The following SGCD variants were observed in gnomAD, a reference collection of about 807,000 sequenced individuals.
SGCD encodes the protein sarcoglycan delta.
In SGCD, 18 loss-of-function variants were observed where a neutral mutation model predicts 36.6. The ratio of observed to expected loss-of-function variants is 0.49; its 90% confidence interval spans 0.34 to 0.73. The LOEUF (loss-of-function observed/expected upper bound fraction) is 0.73. Ranked by LOEUF, SGCD falls within the 30% of genes least tolerant of loss-of-function variation. SGCD has a pLI of 0.01. For missense variants in SGCD, 387 were observed against 346.7 expected, an observed-to-expected ratio of 1.12 and a Z score of -0.92; for synonymous variants, 133 against 130.6, an observed-to-expected ratio of 1.02 and a Z score of -0.12.
At chr5:155,804,478 A>T in the SGCD span, among the ~76,000 whole-genome samples, 1 of 152,116 alleles carries the variant, frequency 6.6e-6, no homozygotes, top group East Asian at 1.9e-4. Context: ...TCACCTTTAT[A>T]TCTGTGTTAT....
intron 3 of SGCD, among the ~76,000 whole-genome samples, chr5:156,412,317 C>G (rs992267104): frequency 6.6e-6 from 1 of 152,138 alleles, no homozygotes; most frequent in Admixed American, 6.5e-5. Context: ...AAAATTAGAC[C>G]AGGTATATAA....
chr5:156,145,524 TC>T (rs1465584158), intron 3 of SGCD, among the ~76,000 whole-genome samples: 6 of 152,220 alleles, frequency 3.9e-5, no homozygotes, highest in Admixed American at 3.3e-4. Context: ...CCCCTCTATA[TC>T]CTTTTTGAAT....
chr5:156,618,797 A>G (rs1052808000), intron 6 of SGCD, among the ~76,000 whole-genome samples: 10 of 152,072 alleles, frequency 6.6e-5, no homozygotes, highest in African/African-American at 2.4e-4. Context: ...CAAGAGGGAA[A>G]TGTGATTTAA....
chr5:156,514,314 A>T (rs1757066246), intron 4 of SGCD, among the ~76,000 whole-genome samples: 1 of 152,194 alleles, frequency 6.6e-6, no homozygotes. Context: ...GGAAAATAGC[A>T]TTTATTAAGC....
At chr5:156,008,420 G>C (rs535758884) in intron 1 of SGCD, among the ~76,000 whole-genome samples, 1 of 151,980 alleles carries the variant, frequency 6.6e-6, no homozygotes, top group African/African-American at 2.4e-5. Flanking sequence ...CTGCTCTTCA[G>C]GCTGGAGTGC....
intron 7 of SGCD, among the ~76,000 whole-genome samples, chr5:156,670,683 GTTC>G (rs1036015972): frequency 2.0e-4 from 31 of 152,262 alleles, no homozygotes; most frequent in African/African-American, 6.7e-4. Flanking sequence ...AGCCAAAGGG[GTTC>G]TTATTTTTTC....
At chr5:156,707,446 C>T (rs1303204006) in intron 7 of SGCD, among the ~76,000 whole-genome samples, 3 of 152,088 alleles carry the variant, frequency 2.0e-5, no homozygotes, top group African/African-American at 7.2e-5. Flanking sequence ...TACTACCAGA[C>T]CCAGTCTTTT....
At chr5:155,799,002 T>C in the SGCD span, among the ~76,000 whole-genome samples, 1 of 152,214 alleles carries the variant, frequency 6.6e-6, no homozygotes, top group Admixed American at 6.5e-5. Flanking sequence ...GATTGTCCCT[T>C]TTCCTGTTAT....
chr5:155,874,060 A>G (rs1470004409), intron 1 of SGCD, among the ~76,000 whole-genome samples: 2 of 152,156 alleles, frequency 1.3e-5, no homozygotes, highest in Non-Finnish European at 2.9e-5. Flanking sequence ...AGAATTCAGC[A>G]GCAATTTTTA....
At chr5:156,344,299 A>G (rs1183484440) in intron 2 of SGCD, among the ~76,000 whole-genome samples, 190 bp from the exon 3 acceptor site, 3 of 152,184 alleles carry the variant, frequency 2.0e-5, no homozygotes, top group Non-Finnish European at 4.4e-5. Context: ...GTTAAATGAG[A>G]AGCCTCAAGC....
intron 3 of SGCD, among the ~76,000 whole-genome samples, chr5:156,216,194 G>T (rs1039867510): frequency 5.9e-5 from 9 of 151,994 alleles, no homozygotes; most frequent in African/African-American, 2.2e-4. Flanking sequence ...AGGAAATGTT[G>T]GTAAACTGAT....
intron 4 of SGCD, among the ~76,000 whole-genome samples, chr5:156,581,152 C>T (rs1185369580): frequency 2.6e-5 from 4 of 152,140 alleles, no homozygotes; most frequent in South Asian, 2.1e-4. Flanking sequence ...CCTTCTGTCA[C>T]GTCCCTCAGC....
the SGCD span, among the ~76,000 whole-genome samples, chr5:155,853,319 T>C: frequency 1.3e-5 from 2 of 152,056 alleles, no homozygotes; most frequent in Non-Finnish European, 2.9e-5. Context: ...AACTGTGCTA[T>C]AAGAAAGCAA....
chr5:155,954,710 A>T (rs1260916723), intron 1 of SGCD, among the ~76,000 whole-genome samples: 1 of 152,090 alleles, frequency 6.6e-6, no homozygotes, highest in Non-Finnish European at 1.5e-5. Context: ...TTCCAGAGAA[A>T]GAGAACTAAC....
the SGCD span, among the ~76,000 whole-genome samples, chr5:155,764,831 G>C: frequency 4.6e-5 from 7 of 152,238 alleles, no homozygotes; most frequent in East Asian, 9.7e-4. Context: ...GATAAGATCT[G>C]GGGGGAGGCA....
chr5:156,463,474 A>AT (rs553931711), intron 3 of SGCD, among the ~76,000 whole-genome samples: 513 of 151,698 alleles, frequency 3.4e-3, no homozygotes, highest in African/African-American at 0.011. Flanking sequence ...TTGAGGCACA[A>AT]TTTTTTTTTA....
At chr5:155,908,294 G>A (rs11954882) in intron 1 of SGCD, among the ~76,000 whole-genome samples, 3 of 151,988 alleles carry the variant, frequency 2.0e-5, no homozygotes, top group Admixed American at 2.0e-4. Flanking sequence ...CTTAGTGTAT[G>A]CTTGTATTTT....
chr5:156,472,132 T>C (rs1754999118), intron 3 of SGCD, among the ~76,000 whole-genome samples: 1 of 152,164 alleles, frequency 6.6e-6, no homozygotes, highest in Admixed American at 6.6e-5. Flanking sequence ...ATGAAGTAAC[T>C]GAAACTCTCA....
chr5:156,643,349 ACC>A (rs920270247), intron 6 of SGCD, among the ~76,000 whole-genome samples: 1 of 151,852 alleles, frequency 6.6e-6, no homozygotes, highest in African/African-American at 2.4e-5. Context: ...AGTTGTTTAA[ACC>A]AATTAGTGTA....
Sources: allele counts gnomAD v4.1 joint callset (sites outside exome capture counted in the v4.1 genomes callset), GRCh38; gene constraint gnomAD v4.1.1; transcripts MANE v1.5; gene names NCBI Gene and HGNC (gene_info 2026-07-23, HGNC 2026-07-21).